Variants in DACH2 observed in about 807,000 individuals in gnomAD.
DACH2 encodes the protein dachshund family transcription factor 2, also known as dachshund homolog 2.
In DACH2, 17 loss-of-function variants were observed where a neutral mutation model predicts 35.8. The observed-to-expected ratio is 0.48, with a 90% CI of 0.33 to 0.71. The LOEUF is 0.71. Ranked by LOEUF, DACH2 falls within the 30% of genes least tolerant of loss-of-function variation. The probability of loss-of-function intolerance (pLI) is 0.02; values close to 1 mark genes in which losing one functional copy is unlikely to be tolerated. For missense variants in DACH2, 469 were observed against 472.7 expected, an observed-to-expected ratio of 0.99 and a Z score of 0.07; for synonymous variants, 195 against 177.3, an observed-to-expected ratio of 1.10 and a Z score of -0.79.
At chrX:86,242,754 G>T (rs1234789088) in intron 1 of DACH2, among the ~76,000 whole-genome samples, 1 of 111,346 alleles carries the variant, frequency 9.0e-6, no homozygotes, top group East Asian at 2.8e-4. Flanking sequence ...GGAGGTAATT[G>T]GATCATGGGG....
intron 1 of DACH2, among the ~76,000 whole-genome samples, chrX:86,325,294 A>C (rs1360418912): frequency 9.0e-6 from 1 of 111,672 alleles, no homozygotes; most frequent in East Asian, 2.8e-4. Flanking sequence ...CGCTTAATTG[A>C]GTATGCCACA....
Position 86,502,386 on chromosome X carries a change from T to C in DACH2, c.528-11893T>C, listed in dbSNP as rs1188045941. 9.8e-5 allele frequency among the ~76,000 whole-genome samples: 11 copies of C among 112,014 alleles called. No homozygotes were observed. The East Asian group carries it at 2.5e-3, about 26-fold the overall frequency. On this transcript the variant is annotated intron_variant, in intron 2 of 11. Transcript: ENST00000373125. ...AGGTTTCATTGTTCAGCCTACCCCA[T>C]TGATGGACTTCAATTGCCCAAAATA...
chrX:86,148,591 C>T lies in DACH2; in HGVS notation c.-30C>T. ...GGAGTCAGGGCGAGAAAGCGAGGGC[C>T]GGAGGACCCACGATAGAGACAGAGT... is the stretch of plus-strand genomic sequence containing the variant. On this transcript the variant is annotated 5_prime_UTR_variant, in exon 1 of 12. Coordinates refer to ENST00000373125, the MANE Select transcript of DACH2 (RefSeq NM_053281.3). 2 of 1,132,097 alleles carry T rather than the reference C, an allele frequency of 1.8e-6. No individual in the cohort carries two copies. The highest frequency in any genetic ancestry group is 2.2e-5 in the South Asian group (1 of 46,436). 93.3% of individuals were successfully genotyped at this position (1,132,097 alleles called of 1,213,427 possible).
chrX:86,272,591 C>T (rs1428578725), intron 1 of DACH2, among the ~76,000 whole-genome samples: 3 of 111,517 alleles, frequency 2.7e-5, no homozygotes, highest in African/African-American at 3.3e-5. Context: ...ATAGAGAGAT[C>T]TCTAGTTCTT....
At chrX:86,654,434 G>A (rs1363766246) in intron 4 of DACH2, among the ~76,000 whole-genome samples, 1 of 109,890 alleles carries the variant, frequency 9.1e-6, no homozygotes, top group Non-Finnish European at 1.9e-5. Context: ...TCTGACTTCA[G>A]GACAGTGTAG....
At chrX:86,827,131 A>AAAT (rs1379198145) in intron 11 of DACH2, among the ~76,000 whole-genome samples, 3 of 111,859 alleles carry the variant, frequency 2.7e-5, no homozygotes, top group African/African-American at 9.7e-5. Flanking sequence ...ATTTTATTGT[A>AAAT]AATATAAACC....
At chrX:86,680,140 A>G (rs976069189) in intron 4 of DACH2, among the ~76,000 whole-genome samples, 9 of 111,966 alleles carry the variant, frequency 8.0e-5, no homozygotes, top group Non-Finnish European at 1.7e-4. Context: ...TGTTGTTAAG[A>G]TCAATCTTTC....
At chrX:86,227,066 A>C (rs2032840783) in intron 1 of DACH2, among the ~76,000 whole-genome samples, 1 of 111,673 alleles carries the variant, frequency 9.0e-6, no homozygotes, top group Non-Finnish European at 1.9e-5. Context: ...TTTCAAATAT[A>C]TTTACTATGA....
chrX:86,365,437 T>C (rs1470851999), intron 1 of DACH2, among the ~76,000 whole-genome samples: 1 of 110,758 alleles, frequency 9.0e-6, no homozygotes, highest in African/African-American at 3.3e-5. Flanking sequence ...GACATTTCAG[T>C]TGGAGGAAAT....
chrX:86,717,124 A>G (rs1306521376), intron 6 of DACH2, among the ~76,000 whole-genome samples: 1 of 111,953 alleles, frequency 8.9e-6, no homozygotes, highest in Non-Finnish European at 1.9e-5. Flanking sequence ...TCAGAAATAT[A>G]TTTTGTCATA....
At chrX:86,707,898 A>G (rs1161866256) in intron 5 of DACH2, among the ~76,000 whole-genome samples, 17 of 89,741 alleles carry the variant, frequency 1.9e-4, no homozygotes, top group Non-Finnish European at 3.9e-4. Flanking sequence ...CTGGTGACAG[A>G]GTAAGACTCC....
chrX:86,639,245 C>A (rs6623747), intron 3 of DACH2, among the ~76,000 whole-genome samples: 14,569 of 111,070 alleles, frequency 0.13, 779 homozygotes, highest in East Asian at 0.33. Context: ...AACAGCCGAC[C>A]TGGGAGCAAC....
intron 7 of DACH2, among the ~76,000 whole-genome samples, chrX:86,797,771 C>T (rs187787148): frequency 9.0e-6 from 1 of 111,721 alleles, no homozygotes; most frequent in East Asian, 2.8e-4. Context: ...GAATGAAAGA[C>T]TTGTTTAGTA....
intron 3 of DACH2, among the ~76,000 whole-genome samples, chrX:86,571,362 A>G (rs750767700): frequency 1.8e-5 from 2 of 110,329 alleles, no homozygotes; most frequent in African/African-American, 6.6e-5. Context: ...TTTGTTACAT[A>G]TGTATACATG....
At chrX:86,395,966 G>C (rs1050301036) in intron 2 of DACH2, among the ~76,000 whole-genome samples, 2 of 111,491 alleles carry the variant, frequency 1.8e-5, no homozygotes, top group African/African-American at 6.5e-5. Context: ...TCACCACACC[G>C]ACTTCCACAA....
intron 1 of DACH2, among the ~76,000 whole-genome samples, chrX:86,347,409 G>GCA (rs61660925): frequency 9.1e-6 from 1 of 109,465 alleles, no homozygotes; most frequent in Non-Finnish European, 1.9e-5. Flanking sequence ...ACGCAAAAGC[G>GCA]CACACACACA....
chrX:86,244,859 A>T (rs1286863104), intron 1 of DACH2, among the ~76,000 whole-genome samples: 4 of 112,415 alleles, frequency 3.6e-5, no homozygotes, highest in Non-Finnish European at 7.5e-5. Context: ...ATTATTATAG[A>T]AACAGAAAAT....
intron 3 of DACH2, among the ~76,000 whole-genome samples, chrX:86,621,567 A>G (rs146743959): frequency 0.061 from 6,807 of 111,180 alleles, 191 homozygotes; most frequent in East Asian, 0.14. Context: ...AAAAAGAAGA[A>G]TAGAACTTTC....
chrX:86,527,855 G>A (rs1328859086), intron 3 of DACH2, among the ~76,000 whole-genome samples: 1 of 111,810 alleles, frequency 8.9e-6, no homozygotes, highest in East Asian at 2.8e-4. Context: ...ACTGTGTCCA[G>A]TCTTAGAAAT....
Sources: gnomAD v4.1 joint callset for allele counts (sites outside exome capture counted in the v4.1 genomes callset) on GRCh38, gnomAD v4.1.1 for gene constraint, MANE v1.5 for transcripts, NCBI Gene and HGNC (gene_info 2026-07-23, HGNC 2026-07-21) for gene names.